Variants in NXPE4 observed in about 807,000 individuals in gnomAD.
NXPE4 encodes the protein NXPE family member 4.
Under a neutral mutation model 33.3 loss-of-function variants are expected in NXPE4, and 42 were observed. The ratio of observed to expected loss-of-function variants is 1.26; its 90% CI spans 0.98 to 1.63. The LOEUF (loss-of-function observed/expected upper bound fraction) is 1.63. Among genes scored for constraint, NXPE4 ranks in the 40% most tolerant of loss-of-function variants. NXPE4 has a pLI of 0.00. For missense variants in NXPE4, 709 were observed against 647.6 expected (o/e 1.09, Z -1.03); for synonymous variants, 253 against 234.9 (o/e 1.08, Z -0.71).
At chr11:114,623,709 G>T in the NXPE4 span, among the ~76,000 whole-genome samples, 7 of 152,020 alleles carry the variant, frequency 4.6e-5, no homozygotes, top group Admixed American at 6.6e-5. Context: ...AGTGTTACCC[G>T]ATGGATAATA....
At chr11:114,635,730 T>C in the NXPE4 span, among the ~76,000 whole-genome samples, 3 of 152,004 alleles carry the variant, frequency 2.0e-5, no homozygotes, top group African/African-American at 4.8e-5. Flanking sequence ...AATCATGTGG[T>C]TTTTGTCTTT....
the NXPE4 span, among the ~76,000 whole-genome samples, chr11:114,635,255 GCTCT>G: frequency 4.7e-5 from 7 of 149,654 alleles, no homozygotes; most frequent in Admixed American, 1.3e-4. Context: ...TCATGATTTG[GCTCT>G]CTGTTTGTCT....
At chr11:114,644,896 A>G in the NXPE4 span, among the ~76,000 whole-genome samples, 1 of 152,148 alleles carries the variant, frequency 6.6e-6, no homozygotes, top group Non-Finnish European at 1.5e-5. Context: ...CTAAGATAGA[A>G]TTAAAAGCGC....
chr11:114,650,031 A>G, the NXPE4 span, among the ~76,000 whole-genome samples: 1 of 152,196 alleles, frequency 6.6e-6, no homozygotes, highest in Non-Finnish European at 1.5e-5. Flanking sequence ...TTCTACATAA[A>G]CTGTAATAAA....
chr11:114,652,238 G>T, the NXPE4 span, among the ~76,000 whole-genome samples: 1 of 152,202 alleles, frequency 6.6e-6, no homozygotes, highest in African/African-American at 2.4e-5. Flanking sequence ...TGAATTTGGT[G>T]CATGAAAAAG....
the NXPE4 span, among the ~76,000 whole-genome samples, chr11:114,601,506 A>T: frequency 1.0e-4 from 2 of 19,844 alleles, no homozygotes; most frequent in Non-Finnish European, 2.4e-4. Flanking sequence ...ATAGTATATA[A>T]ATTATATATT....
chr11:114,675,728 T>A, the NXPE4 span, among the ~76,000 whole-genome samples: 3 of 151,936 alleles, frequency 2.0e-5, no homozygotes, highest in Non-Finnish European at 4.4e-5. Context: ...ATGGACTTTC[T>A]AACAGAAATA....
rs1209222242 is a variant in NXPE4 at position 114,595,643 on chromosome 11, G to A, written c.-62C>T. The A allele has an allele frequency of 6.6e-6, 1 of 152,262 alleles. No homozygotes were observed. The highest frequency in any genetic ancestry group is 1.5e-5 in the Non-Finnish European group (1 of 68,030). 9.4% of individuals were successfully genotyped at this position (152,262 alleles called of 1,614,324 possible). A position where few individuals can be genotyped will look rare whatever the true frequency, so the allele number is the denominator to read the frequency against. ...ATACATAGACTCTCTGGCGAGCTAG[G>A]TGTTGAGAATTTCTTCTGAAGCCAC... is the stretch of plus-strand genomic sequence containing the variant. On this transcript the variant is annotated 5_prime_UTR_variant, in exon 1 of 6. Transcript: ENST00000375478.
chr11:114,623,349 C>T, the NXPE4 span, among the ~76,000 whole-genome samples: 2 of 151,002 alleles, frequency 1.3e-5, no homozygotes, highest in Non-Finnish European at 3.0e-5. Context: ...AAATAAGTAT[C>T]GCCTGTAGGG....
Position 114,582,957 on chromosome 11 carries a change from A to G in NXPE4, c.161T>C (p.Phe54Ser), listed in dbSNP as rs200964488. Reference sequence around the variant, plus strand: ...TAATGATATCAGTGGTGTTTTAGGGAATAAGGACTTTGTGGAGTTGTTCCA... The same window carrying G: ...TAATGATATCAGTGGTGTTTTAGGGGATAAGGACTTTGTGGAGTTGTTCCA... ...HYWNNSTKSL[F>S]PKTPLISLKP... The change falls in exon 3 of 6, where the codon TTC becomes TCC. Residue 54 changes from phenylalanine to serine, a missense_variant. Phe to Ser is a radical substitution (Grantham distance 155). Coordinates refer to ENST00000375478, the MANE Select transcript of NXPE4 (RefSeq NM_001077639.2). 1.3e-4 allele frequency: 211 copies of G among 1,613,988 alleles called. No homozygotes were observed. The African/African-American group carries it at 2.7e-3, about 21-fold the overall frequency.
At chr11:114,606,974 G>A in the NXPE4 span, among the ~76,000 whole-genome samples, 1 of 151,880 alleles carries the variant, frequency 6.6e-6, no homozygotes, top group African/African-American at 2.4e-5. Context: ...TTGCCTTGTG[G>A]GTAACCACTG....
rs1324573013 is a variant in NXPE4 at position 114,577,028 on chromosome 11, CAT to C, written c.1099+3102_1099+3103del. Among the ~76,000 whole-genome samples, 710 of 94,876 alleles carry C rather than the reference CAT, an allele frequency of 7.5e-3. 9 individuals carry two copies. The highest frequency in any genetic ancestry group is 0.011 in the African/African-American group (273 of 24,270). 62.2% of individuals were successfully genotyped at this position (94,876 alleles called of 152,430 possible). On this transcript the variant is annotated intron_variant, in intron 5 of 5. Transcript: ENST00000375478. Reference sequence around the variant, plus strand: ...ATAAAGTTATATATATATATATATACATATATATATATAAAGTTATATATATA... The same window carrying C: ...ATAAAGTTATATATATATATATATACATATATATATAAAGTTATATATATA...
At chr11:114,672,437 G>A in the NXPE4 span, among the ~76,000 whole-genome samples, 17 of 151,776 alleles carry the variant, frequency 1.1e-4, no homozygotes, top group Non-Finnish European at 2.4e-4. Context: ...GATGCAAAGG[G>A]CGTATTAAAA....
the NXPE4 span, among the ~76,000 whole-genome samples, chr11:114,624,297 G>A: frequency 3.3e-4 from 50 of 151,866 alleles, no homozygotes; most frequent in African/African-American, 1.1e-3. Context: ...ACTGTTACCC[G>A]GTGGATAATA....
the NXPE4 span, among the ~76,000 whole-genome samples, chr11:114,670,881 G>A: frequency 0.32 from 48,896 of 151,184 alleles, 8,232 homozygotes; most frequent in East Asian, 0.41. Context: ...AATGGAAACC[G>A]CCTCTGAGAG....
chr11:114,610,346 A>G, the NXPE4 span, among the ~76,000 whole-genome samples: 1 of 149,850 alleles, frequency 6.7e-6, no homozygotes, highest in Non-Finnish European at 1.5e-5. Context: ...TGGCCTCATG[A>G]GTAACCACTG....
intron 5 of NXPE4, among the ~76,000 whole-genome samples, chr11:114,579,167 A>G (rs539036951): frequency 1.3e-5 from 2 of 152,178 alleles, no homozygotes; most frequent in Non-Finnish European, 2.9e-5. Flanking sequence ...CCAGTGTGTC[A>G]CATGGTGAGA....
intron 2 of NXPE4, chr11:114,583,410 C>G (rs932533148): frequency 1.1e-5 from 7 of 640,998 alleles, no homozygotes; most frequent in Non-Finnish European, 2.1e-5. Flanking sequence ...AAAATGGAAA[C>G]CCATCACCCT....
At chr11:114,601,817 A>G in the NXPE4 span, among the ~76,000 whole-genome samples, 1 of 74,732 alleles carries the variant, frequency 1.3e-5, no homozygotes, top group South Asian at 4.2e-4. Flanking sequence ...TTATATAATT[A>G]TATATAATAT....
Sources: gnomAD v4.1 joint callset for allele counts (sites outside exome capture counted in the v4.1 genomes callset) on GRCh38, gnomAD v4.1.1 for gene constraint, MANE v1.5 for transcripts, NCBI Gene and HGNC (gene_info 2026-07-23, HGNC 2026-07-21) for gene names.